ENO4: variants seen among roughly 807,000 people sequenced by gnomAD.
ENO4 encodes the protein enolase 4.
Under a neutral mutation model 63.2 loss-of-function variants are expected in ENO4, and 53 were observed. The ratio of observed to expected loss-of-function variants is 0.84; its 90% confidence interval spans 0.67 to 1.05. The LOEUF (loss-of-function observed/expected upper bound fraction) is 1.05. Ranked by LOEUF, ENO4 falls within the 50% of genes least tolerant of loss-of-function variation. The pLI is 0.00. For synonymous variants in ENO4, 266 were observed against 283.8 expected, an observed-to-expected ratio of 0.94 and a Z score of 0.63; for missense variants, 719 against 772.0, an observed-to-expected ratio of 0.93 and a Z score of 0.81.
downstream of ENO4, chr10:116,884,027 GA>G (rs1197740197): frequency 1.2e-4 from 26 of 218,830 alleles, 1 homozygote; most frequent in South Asian, 1.2e-3. Flanking sequence ...TTTTCTTAAA[GA>G]AAAAAAATCC....
chr10:116,872,989 G>A (rs1052426496), intron 9 of ENO4, among the ~76,000 whole-genome samples: 1 of 151,812 alleles, frequency 6.6e-6, no homozygotes, highest in African/African-American at 2.4e-5. Flanking sequence ...AAAAAAAATT[G>A]CATGTTTTCA....
intron 10 of ENO4, chr10:116,901,804 C>T (rs749169785): frequency 2.5e-5 from 40 of 1,599,960 alleles, no homozygotes; most frequent in Middle Eastern, 1.7e-4. Flanking sequence ...TTCCAATTTA[C>T]GGGGCCCTTC....
intron 1 of ENO4, among the ~76,000 whole-genome samples, chr10:116,855,176 C>T (rs930831263): frequency 6.6e-6 from 1 of 151,914 alleles, no homozygotes; most frequent in African/African-American, 2.4e-5. Context: ...GCCTGTAGTC[C>T]CTGCTACTCG....
At chr10:116,899,590 T>C (rs2133319787) in intron 10 of ENO4, among the ~76,000 whole-genome samples, 1 of 151,662 alleles carries the variant, frequency 6.6e-6, no homozygotes, top group African/African-American at 2.4e-5. Context: ...AATGTCTGTA[T>C]TTAGAGCCGA....
intron 1 of ENO4, among the ~76,000 whole-genome samples, chr10:116,854,805 G>A (rs1846206872): frequency 6.6e-6 from 1 of 150,886 alleles, no homozygotes; most frequent in Non-Finnish European, 1.5e-5. Context: ...GCCGGGTGTG[G>A]TGGCGTGTGC....
chr10:116,892,587 T>A (rs1051837551), intron 10 of ENO4, among the ~76,000 whole-genome samples: 1 of 152,252 alleles, frequency 6.6e-6, no homozygotes, highest in Non-Finnish European at 1.5e-5. Flanking sequence ...TACTTGCATT[T>A]TCATTCTATG....
In ENO4 at chr10:116,881,632, T is replaced by C; in HGVS notation, c.1841T>C (p.Val614Ala). 1 of 1,549,168 alleles carries C rather than the reference T, an allele frequency of 6.5e-7. No homozygotes were observed. The highest frequency in any genetic ancestry group is 8.7e-7 in the Non-Finnish European group (1 of 1,146,394). Residue 614 changes from valine (V) to alanine (A), a missense_variant, in exon 14 of 14, where the codon GTA (valine) becomes GCA (alanine). Transcript: ENST00000341276. Reference protein sequence around the residue: ...PLVPTFPTQGVEESAETGASS... With the variant: ...PLVPTFPTQGAEESAETGASS... ...GTGCCCACCTTCCCCACACAAGGTG[T>C]AGAGGAATCAGCCGAAACAGGAGCA... is the stretch of plus-strand genomic sequence containing the variant.
In ENO4 at chr10:116,898,396, G is replaced by C; in HGVS notation, c.1195-13103G>C. On this transcript the variant is annotated intron_variant, in intron 10 of 10. Transcript: ENST00000369207. The stretch of plus-strand genomic sequence containing the variant: ...CCCACCCACTGATTGGCCTGAATCA[G>C]TGAATAAAATATCTTACTATATTTT... Among the ~76,000 whole-genome samples the C allele has an allele frequency of 1.3e-5, 2 of 151,874 alleles. 1 individual carries two copies. Among genetic ancestry groups the C allele is most frequent in the Admixed American group, 1.3e-4 (2 of 15,238 alleles).
chr10:116,852,142 T>G (rs186610767), intron 1 of ENO4, among the ~76,000 whole-genome samples: 1 of 152,312 alleles, frequency 6.6e-6, no homozygotes, highest in African/African-American at 2.4e-5. Flanking sequence ...CGCTTCACTT[T>G]GCACTTCTCC....
At chr10:116,902,013 T>C in intron 10 of ENO4, 2 of 1,439,528 alleles carry the variant, frequency 1.4e-6, no homozygotes, top group Non-Finnish European at 1.9e-6. Context: ...CTTATTAATA[T>C]GGTACTGAAA....
chr10:116,903,244 C>A (rs1010297982), intron 10 of ENO4, among the ~76,000 whole-genome samples: 1 of 152,168 alleles, frequency 6.6e-6, no homozygotes, highest in African/African-American at 2.4e-5. Flanking sequence ...TCTAAAAGGC[C>A]TTTTCCGGCT....
chr10:116,899,599 G>T (rs558066619), intron 10 of ENO4, among the ~76,000 whole-genome samples: 1 of 151,372 alleles, frequency 6.6e-6, no homozygotes, highest in African/African-American at 2.4e-5. Context: ...ATTTAGAGCC[G>T]ACTGTCATTG....
At chr10:116,888,560 CACA>C (rs1847235795) in intron 10 of ENO4, among the ~76,000 whole-genome samples, 1 of 152,186 alleles carries the variant, frequency 6.6e-6, no homozygotes, top group Non-Finnish European at 1.5e-5. Context: ...ATCTCTCTCT[CACA>C]AGCACCAATC....
intron 11 of ENO4, among the ~76,000 whole-genome samples, chr10:116,876,733 G>A (rs926382724): frequency 6.6e-6 from 1 of 152,140 alleles, no homozygotes; most frequent in Non-Finnish European, 1.5e-5. Flanking sequence ...GGCGGATCAC[G>A]AGGTCAGGAG....
downstream of ENO4, chr10:116,885,179 GA>G (rs983416322): frequency 7.7e-4 from 118 of 152,704 alleles, no homozygotes; most frequent in African/African-American, 2.8e-3. Context: ...GCCCTTAGGT[GA>G]AAAACACCTG....
At chr10:116,900,409 C>A in intron 10 of ENO4, 2 of 792,538 alleles carry the variant, frequency 2.5e-6, no homozygotes, top group Non-Finnish European at 2.1e-6. Flanking sequence ...GTCAATTCAA[C>A]ACATATTTTG....
chr10:116,888,373 A>T (rs942531677), intron 10 of ENO4, among the ~76,000 whole-genome samples: 1 of 152,212 alleles, frequency 6.6e-6, no homozygotes, highest in Non-Finnish European at 1.5e-5. Context: ...ACTATGAGTA[A>T]TATTAAGGAT....
intron 9 of ENO4, among the ~76,000 whole-genome samples, chr10:116,872,900 A>G (rs1354112493): frequency 6.6e-6 from 1 of 152,230 alleles, no homozygotes; most frequent in Non-Finnish European, 1.5e-5. Flanking sequence ...ACTTTTCTAA[A>G]GAAACTAAGC....
chr10:116,856,775 G>T (rs780967991), intron 3 of ENO4, 93 bp downstream of exon 3: 17 of 1,127,978 alleles, frequency 1.5e-5, no homozygotes, highest in Non-Finnish European at 2.0e-5. Context: ...GCCGAGGCGG[G>T]CAGATCACGA....
Sources: gnomAD v4.1 joint callset for allele counts (sites outside exome capture counted in the v4.1 genomes callset) on GRCh38, gnomAD v4.1.1 for gene constraint, MANE v1.5 for transcripts, NCBI Gene and HGNC (gene_info 2026-07-23, HGNC 2026-07-21) for gene names.